Variants in PTPRD observed in about 807,000 individuals in gnomAD.
The protein encoded by PTPRD is receptor-type tyrosine-protein phosphatase delta.
Under a neutral mutation model 214.5 loss-of-function variants are expected in PTPRD, and 34 were observed. That is an observed-to-expected ratio of 0.16 (90% CI 0.12 to 0.21). The LOEUF is 0.21. Ranked by LOEUF, PTPRD falls within the 10% of genes least tolerant of loss-of-function variation. The probability of loss-of-function intolerance (pLI) is 1.00; values close to 1 mark genes in which losing one functional copy is unlikely to be tolerated. For synonymous variants in PTPRD, 1,128 were observed against 845.7 expected (o/e 1.33, Z -5.79); for missense variants, 2,545 against 2,398.7 (o/e 1.06, Z -1.27).
intron 5 of PTPRD, among the ~76,000 whole-genome samples, chr9:9,815,232 A>C (rs531577471): frequency 2.6e-5 from 4 of 152,274 alleles, no homozygotes; most frequent in Non-Finnish European, 2.9e-5. Context: ...AGGTCGGCTA[A>C]TCTTTGATGA....
At chr9:8,648,615 T>C (rs1292587198) in intron 12 of PTPRD, among the ~76,000 whole-genome samples, 1 of 152,230 alleles carries the variant, frequency 6.6e-6, no homozygotes, top group Non-Finnish European at 1.5e-5. Context: ...ATACTCAGAC[T>C]GTGCATCCGT....
intron 3 of PTPRD, among the ~76,000 whole-genome samples, chr9:10,283,060 AT>A (rs957970978): frequency 2.9e-4 from 44 of 152,020 alleles, no homozygotes; most frequent in Middle Eastern, 3.4e-3. Context: ...AAGTTCTATT[AT>A]TCTCCAGCTT....
chr9:10,118,322 A>G (rs1325245361), intron 3 of PTPRD, among the ~76,000 whole-genome samples: 1 of 151,518 alleles, frequency 6.6e-6, no homozygotes, highest in East Asian at 1.9e-4. Context: ...AACTGTCTAT[A>G]TATTTAATAT....
chr9:9,718,529 C>T (rs541335427), intron 7 of PTPRD, among the ~76,000 whole-genome samples: 111 of 152,302 alleles, frequency 7.3e-4, no homozygotes, highest in African/African-American at 2.4e-3. Flanking sequence ...TGCCCAGCCA[C>T]GGCTCCAGAC....
intron 42 of PTPRD, among the ~76,000 whole-genome samples, chr9:8,339,526 G>A (rs1047813195): frequency 3.3e-5 from 5 of 152,058 alleles, no homozygotes; most frequent in Admixed American, 1.3e-4. Flanking sequence ...TCAAGGAAAC[G>A]AGGGGCCCAG....
intron 10 of PTPRD, among the ~76,000 whole-genome samples, chr9:9,078,919 A>G (rs1028845132): frequency 6.6e-6 from 1 of 152,090 alleles, no homozygotes; most frequent in African/African-American, 2.4e-5. Context: ...GGTAATTAGC[A>G]TATTTCAATA....
Position 10,410,153 on chromosome 9 carries a change from C to T in PTPRD, c.-599-69136G>A, listed in dbSNP as rs557392775. Among the ~76,000 whole-genome samples, 14 of 150,250 alleles carry T rather than the reference C, an allele frequency of 9.3e-5. No homozygotes were observed. The South Asian group carries it at 2.5e-3, about 27-fold the overall frequency. ...GATTCTGTTTTCTCTTTATTCAAACCCATCAGCTCTGATAGTTCAAATAAA... is the reference window on the plus strand; with the variant it reads ...GATTCTGTTTTCTCTTTATTCAAACTCATCAGCTCTGATAGTTCAAATAAA... On this transcript the variant is annotated intron_variant, in intron 2 of 45. Coordinates refer to ENST00000381196, the MANE Select transcript of PTPRD (RefSeq NM_002839.4).
intron 11 of PTPRD, among the ~76,000 whole-genome samples, chr9:8,840,744 T>C (rs976090515): frequency 1.3e-5 from 2 of 151,222 alleles, no homozygotes; most frequent in Non-Finnish European, 3.0e-5. Context: ...AAAAATATCA[T>C]GCCCATTCTT....
At chr9:9,139,205 T>C (rs1440335646) in intron 10 of PTPRD, among the ~76,000 whole-genome samples, 6 of 142,852 alleles carry the variant, frequency 4.2e-5, no homozygotes, top group Non-Finnish European at 3.1e-5. Flanking sequence ...TTTTTTTCTG[T>C]AATAGTAAGT....
chr9:9,097,167 T>C (rs2099784699), intron 10 of PTPRD, among the ~76,000 whole-genome samples: 1 of 152,128 alleles, frequency 6.6e-6, no homozygotes, highest in African/African-American at 2.4e-5. Flanking sequence ...ATAAGAGGCA[T>C]ACTCTTCTGA....
intron 2 of PTPRD, among the ~76,000 whole-genome samples, chr9:10,523,622 T>TATAGAGAGAGAGAGAGAGAGAGAG (rs554367559): frequency 7.6e-6 from 1 of 131,384 alleles, no homozygotes. Flanking sequence ...TATATATATA[T>TATAGAGAGAGAGAGAGAGAGAGAG]AGACAGAAAG....
At chr9:8,842,273 T>C (rs2097573630) in intron 11 of PTPRD, among the ~76,000 whole-genome samples, 1 of 152,090 alleles carries the variant, frequency 6.6e-6, no homozygotes, top group Non-Finnish European at 1.5e-5. Context: ...AGAGACCAGG[T>C]AGGAGAAAGG....
At chr9:8,721,204 G>T (rs2098492202) in intron 12 of PTPRD, among the ~76,000 whole-genome samples, 1 of 151,906 alleles carries the variant, frequency 6.6e-6, no homozygotes, top group Non-Finnish European at 1.5e-5. Context: ...CGAGGCAGGG[G>T]GATCATCTGA....
rs10977829 is a variant in PTPRD, at chr9:9,513,883, C to T, written c.-237+60849G>A. Among the ~76,000 whole-genome samples, 468 of 152,008 alleles carry T rather than the reference C, an allele frequency of 3.1e-3. 4 individuals are homozygous for T. Among genetic ancestry groups the T allele is most frequent in the East Asian group, 0.023 (119 of 5,164 alleles). ...TTTTCTTCCTCAAATAAAAAGGGAGCGTGGATAAATGTTGATGGCAGAAGA... is the reference window on the plus strand; with the variant it reads ...TTTTCTTCCTCAAATAAAAAGGGAGTGTGGATAAATGTTGATGGCAGAAGA... On this transcript the variant is annotated intron_variant, in intron 8 of 45. Coordinates refer to ENST00000381196, the MANE Select transcript of PTPRD (RefSeq NM_002839.4).
At chr9:10,204,441 G>A (rs1171852634) in intron 3 of PTPRD, among the ~76,000 whole-genome samples, 3 of 152,030 alleles carry the variant, frequency 2.0e-5, no homozygotes, top group Non-Finnish European at 4.4e-5. Context: ...ATCTGATGGG[G>A]AAGGACCTCA....
intron 10 of PTPRD, among the ~76,000 whole-genome samples, chr9:9,051,202 T>A (rs1045396852): frequency 3.3e-5 from 5 of 151,328 alleles, no homozygotes; most frequent in African/African-American, 1.2e-4. Flanking sequence ...ACCACAAATA[T>A]TTACAATTAC....
At chr9:9,260,733 T>A (rs1316888706) in intron 9 of PTPRD, among the ~76,000 whole-genome samples, 1 of 151,810 alleles carries the variant, frequency 6.6e-6, no homozygotes, top group East Asian at 2.0e-4. Flanking sequence ...TAGAATAGAA[T>A]AGTGCGGGTG....
At chr9:9,827,653 A>T (rs1227763064) in intron 5 of PTPRD, among the ~76,000 whole-genome samples, 1 of 152,204 alleles carries the variant, frequency 6.6e-6, no homozygotes, top group Non-Finnish European at 1.5e-5. Flanking sequence ...CAAAACTGAT[A>T]AACGGGATCT....
chr9:8,380,993 C>T (rs7027286), intron 37 of PTPRD, among the ~76,000 whole-genome samples: 3,570 of 152,250 alleles, frequency 0.023, 149 homozygotes, highest in African/African-American at 0.081. Context: ...CAAACTGATA[C>T]CTTGAAAGGG....
Sources: allele counts gnomAD v4.1 joint callset (sites outside exome capture counted in the v4.1 genomes callset), GRCh38; gene constraint gnomAD v4.1.1; transcripts MANE v1.5; gene names NCBI Gene and HGNC (gene_info 2026-07-23, HGNC 2026-07-21).